GSG1L: variants seen among roughly 807,000 people sequenced by gnomAD.
The protein encoded by GSG1L is germ cell-specific gene 1-like protein.
In GSG1L, 24 loss-of-function variants were observed where a neutral mutation model predicts 42.1. The observed-to-expected ratio is 0.57, with a 90% CI of 0.41 to 0.80. The LOEUF (loss-of-function observed/expected upper bound fraction) is 0.80, where lower values mean the gene tolerates loss of function less well. Ranked by LOEUF, GSG1L falls within the 30% of genes least tolerant of loss-of-function variation. The probability of loss-of-function intolerance (pLI) is 0.00; values close to 1 mark genes in which losing one functional copy is unlikely to be tolerated. For synonymous variants in GSG1L, 215 were observed against 203.5 expected, an observed-to-expected ratio of 1.06 and a Z score of -0.48; for missense variants, 445 against 472.2, an observed-to-expected ratio of 0.94 and a Z score of 0.53.
chr16:27,808,421 CT>C lies in GSG1L; in HGVS notation c.831-868del, dbSNP rs11388084. 3.4e-3 allele frequency among the ~76,000 whole-genome samples: 488 copies of C among 141,596 alleles called. 2 individuals carry two copies. The highest frequency in any genetic ancestry group is 4.1e-3 in the African/African-American group (156 of 38,334). 92.9% of individuals were successfully genotyped at this position (141,596 alleles called of 152,430 possible). ...ATTTCTTAACTACATTAAAACACAT[CT>C]TTTTTTTTTTTTTTGACATGGAGTC... On this transcript the variant is annotated intron_variant, in intron 5 of 6. Coordinates refer to ENST00000447459, the MANE Select transcript of GSG1L (RefSeq NM_001109763.2).
intron 5 of GSG1L, among the ~76,000 whole-genome samples, chr16:27,823,535 G>C (rs564512636): frequency 5.9e-5 from 9 of 152,018 alleles, no homozygotes; most frequent in Admixed American, 3.3e-4. Flanking sequence ...CTACCTTGTC[G>C]CTGGTCTCCA....
chr16:27,978,989 C>T (rs538202246), intron 1 of GSG1L, among the ~76,000 whole-genome samples: 48 of 152,248 alleles, frequency 3.2e-4, no homozygotes, highest in Admixed American at 2.7e-3. Flanking sequence ...GGTCTGGAGG[C>T]GCCAGCACAA....
At chr16:27,984,841 T>C (rs1303678758) in intron 1 of GSG1L, among the ~76,000 whole-genome samples, 1 of 152,164 alleles carries the variant, frequency 6.6e-6, no homozygotes, top group African/African-American at 2.4e-5. Flanking sequence ...TACTGCAGCC[T>C]CGACCTCCCA....
intron 2 of GSG1L, among the ~76,000 whole-genome samples, chr16:27,956,094 C>T (rs1051718207): frequency 6.6e-6 from 1 of 152,106 alleles, no homozygotes; most frequent in African/African-American, 2.4e-5. Context: ...TCTTTTGAAG[C>T]TAGAAAGTTT....
At chr16:28,033,424 G>A (rs758125651) in intron 1 of GSG1L, among the ~76,000 whole-genome samples, 3 of 152,184 alleles carry the variant, frequency 2.0e-5, no homozygotes, top group Non-Finnish European at 4.4e-5. Flanking sequence ...GTGGGTGACT[G>A]GGAATGAGAT....
rs71140916 is a variant in GSG1L at position 27,874,441 on chromosome 16, CTTTTTTTTTTTTTT to C, written c.550+10031_550+10044del. Among the ~76,000 whole-genome samples the C allele has an allele frequency of 1.6e-4, 15 of 94,474 alleles. 1 individual carries two copies. The highest frequency in any genetic ancestry group is 4.1e-4 in the Admixed American group (3 of 7,304). 62.0% of individuals were successfully genotyped at this position (94,474 alleles called of 152,430 possible). A position where few individuals can be genotyped will look rare whatever the true frequency, so the allele number is the denominator to read the frequency against. ...TCTGGACACTGAAGCACAGGAGAGCCTTTTTTTTTTTTTTTTTTTTTTTTTTTTTGGACAGGGAC... is the reference window on the plus strand; with the variant it reads ...TCTGGACACTGAAGCACAGGAGAGCCTTTTTTTTTTTTTTTGGACAGGGAC... On this transcript the variant is annotated intron_variant, in intron 3 of 6. Coordinates refer to ENST00000447459, the MANE Select transcript of GSG1L (RefSeq NM_001109763.2).
intron 1 of GSG1L, among the ~76,000 whole-genome samples, chr16:28,019,272 C>G (rs897959797): frequency 1.3e-5 from 2 of 152,168 alleles, no homozygotes; most frequent in Non-Finnish European, 2.9e-5. Flanking sequence ...CCACCAAAAC[C>G]AAGATGGCCA....
At chr16:27,846,570 T>C (rs528164326) in intron 3 of GSG1L, among the ~76,000 whole-genome samples, 6 of 152,340 alleles carry the variant, frequency 3.9e-5, no homozygotes, top group Non-Finnish European at 7.3e-5. Context: ...CGAGAGACCA[T>C]GCTTTAAGGA....
chr16:27,984,821 A>G (rs751014489), intron 1 of GSG1L, among the ~76,000 whole-genome samples: 67 of 151,954 alleles, frequency 4.4e-4, no homozygotes, highest in Non-Finnish European at 7.6e-4. Flanking sequence ...GCAGTGGCAC[A>G]ATCATGGCTT....
chr16:27,993,051 T>C (rs1196432987), intron 1 of GSG1L, among the ~76,000 whole-genome samples: 1 of 152,196 alleles, frequency 6.6e-6, no homozygotes, highest in Non-Finnish European at 1.5e-5. Flanking sequence ...GGTACTGTTA[T>C]TATGCCCATT....
At chr16:28,046,793 G>A (rs1211646116) in intron 1 of GSG1L, among the ~76,000 whole-genome samples, 2 of 152,144 alleles carry the variant, frequency 1.3e-5, no homozygotes, top group South Asian at 2.1e-4. Flanking sequence ...CAAAGCCTGC[G>A]CAAAGCCTTT....
At chr16:28,043,114 T>G (rs2141186985) in intron 1 of GSG1L, among the ~76,000 whole-genome samples, 1 of 152,276 alleles carries the variant, frequency 6.6e-6, no homozygotes, top group East Asian at 1.9e-4. Flanking sequence ...GGTACAACAC[T>G]AGGGGCAGAG....
rs115311741 is a variant in GSG1L, at chr16:28,048,581, C to T, written c.349+14495G>A. 5.0e-3 allele frequency among the ~76,000 whole-genome samples: 754 copies of T among 152,142 alleles called. 3 individuals carry two copies. The highest frequency in any genetic ancestry group is 0.014 in the African/African-American group (598 of 41,504). ...CTGGCCTATACTGGGAAATTTTTAA[C>T]GTTCTACTAAATTATTCTTGGATCA... On this transcript the variant is annotated intron_variant, in intron 1 of 6. Coordinates refer to ENST00000447459, the MANE Select transcript of GSG1L (RefSeq NM_001109763.2).
intron 3 of GSG1L, among the ~76,000 whole-genome samples, chr16:27,853,826 G>A (rs956195919): frequency 3.3e-5 from 5 of 152,164 alleles, no homozygotes; most frequent in Non-Finnish European, 5.9e-5. Context: ...GGTTCAGAGT[G>A]ATCCCAGAGG....
At chr16:27,983,593 T>C (rs991688844) in intron 1 of GSG1L, among the ~76,000 whole-genome samples, 1 of 152,156 alleles carries the variant, frequency 6.6e-6, no homozygotes, top group African/African-American at 2.4e-5. Flanking sequence ...AGGCAAATAT[T>C]TTCCCCTTAT....
rs74015134 is a variant in GSG1L at position 27,905,772 on chromosome 16, A to G, written c.398-21134T>C. On this transcript the variant is annotated intron_variant, in intron 2 of 6. Coordinates refer to ENST00000447459, the MANE Select transcript of GSG1L (RefSeq NM_001109763.2). ...GGGCGGGGCGGGGGATGCATGATGC[A>G]TGATCCTGCCTGAGTCTATGGTGAG... is the stretch of plus-strand genomic sequence containing the variant. Among the ~76,000 whole-genome samples the G allele has an allele frequency of 7.6e-3, 1,153 of 152,260 alleles. 20 individuals are homozygous for G. The highest frequency in any genetic ancestry group is 0.027 in the African/African-American group (1,102 of 41,532).
intron 6 of GSG1L, among the ~76,000 whole-genome samples, chr16:27,804,034 G>A (rs2082923705): frequency 2.1e-5 from 1 of 47,356 alleles, no homozygotes; most frequent in Non-Finnish European, 4.0e-5. Flanking sequence ...AGATAGATTA[G>A]ATGGATAGAT....
intron 1 of GSG1L, among the ~76,000 whole-genome samples, chr16:28,005,919 C>T (rs997066904): frequency 2.0e-5 from 3 of 152,130 alleles, no homozygotes; most frequent in Non-Finnish European, 4.4e-5. Context: ...AGGGACTTTG[C>T]AGGTGTAATT....
chr16:28,055,068 G>A (rs1440832019), intron 1 of GSG1L, among the ~76,000 whole-genome samples: 1 of 152,192 alleles, frequency 6.6e-6, no homozygotes, highest in East Asian at 1.9e-4. Flanking sequence ...TGGACCCGAG[G>A]GAAGGTCCAG....
Sources: allele counts gnomAD v4.1 joint callset (sites outside exome capture counted in the v4.1 genomes callset), GRCh38; gene constraint gnomAD v4.1.1; transcripts MANE v1.5; gene names NCBI Gene and HGNC (gene_info 2026-07-23, HGNC 2026-07-21).